Variants in PLCD3 observed in about 807,000 individuals in gnomAD.
PLCD3 encodes 1-phosphatidylinositol 4,5-bisphosphate phosphodiesterase delta-3.
A neutral mutation model predicts 82.8 loss-of-function variants in PLCD3; 62 were observed. That is an observed-to-expected ratio of 0.75 (90% CI 0.61 to 0.93). The LOEUF (loss-of-function observed/expected upper bound fraction) is 0.93. Among genes scored for constraint, PLCD3 ranks in the 40% least tolerant of loss-of-function variants. PLCD3 has a pLI of 0.00. For synonymous variants in PLCD3, 478 were observed against 471.8 expected, an observed-to-expected ratio of 1.01 and a Z score of -0.17; for missense variants, 1,023 against 1,103.4, an observed-to-expected ratio of 0.93 and a Z score of 1.03.
chr17:45,116,438 CAAG>C (rs1275160838), intron 8 of PLCD3, among the ~76,000 whole-genome samples, 191 bp downstream of exon 8: 1 of 151,856 alleles, frequency 6.6e-6, no homozygotes, highest in Non-Finnish European at 1.5e-5. Context: ...GGGGTCTAGT[CAAG>C]AATGGAGAGC....
chr17:45,117,245 G>A (rs776793774), intron 7 of PLCD3, among the ~76,000 whole-genome samples: 6 of 151,742 alleles, frequency 4.0e-5, no homozygotes, highest in Admixed American at 6.6e-5. Context: ...ACGCCTGGCC[G>A]ATTTTTTGTT....
chr17:45,121,261 A>G lies in PLCD3; in HGVS notation c.275T>C (p.Leu92Pro). 6.3e-7 allele frequency: 1 copy of G among 1,592,244 alleles called. No homozygotes were observed. Among genetic ancestry groups the G allele is most frequent in the East Asian group, 2.3e-5 (1 of 44,402 alleles). Residue 92 changes from leucine (L) to proline (P), a missense_variant, in exon 2 of 15, where the codon CTG becomes CCG. Physicochemically the swap from Leu to Pro is moderately conservative, Grantham distance 98. Transcript: ENST00000619929. ...GATGCGCCGCTGGAACCACACGCTC[A>G]GGCCGTCCTCCTGCAGCCGGTACAG... is the stretch of plus-strand genomic sequence containing the variant. ...ERLYRLQEDG[L>P]SVWFQRRIPR...
At chr17:45,123,717 G>A (rs888750628) in intron 1 of PLCD3, among the ~76,000 whole-genome samples, 2 of 152,172 alleles carry the variant, frequency 1.3e-5, no homozygotes, top group African/African-American at 4.8e-5. Context: ...CTTTGACCAT[G>A]ACTGAAAATC....
rs1460212372 is a variant in PLCD3, at chr17:45,111,715, T to G, written c.*901A>C. The stretch of plus-strand genomic sequence containing the variant: ...CATTCTACTGTCTTCTCCAGGGCTC[T>G]TCTATGAAACAGTTACAAACCTACG... On this transcript the variant is annotated 3_prime_UTR_variant, in exon 15 of 15. Coordinates refer to ENST00000619929, the MANE Select transcript of PLCD3 (RefSeq NM_133373.5). The G allele has an allele frequency of 1.3e-5, 2 of 152,270 alleles. No individual in the cohort carries two copies. Among genetic ancestry groups the G allele is most frequent in the East Asian group, 3.8e-4 (2 of 5,200 alleles). The allele number at this position is 152,270 out of a possible 1,614,324, so 9.4% of individuals were successfully genotyped here. A position where few individuals can be genotyped will look rare whatever the true frequency, so the allele number is the denominator to read the frequency against.
At chr17:45,117,910 G>A (rs1157489465) in intron 7 of PLCD3, 84 bp downstream of exon 7, 2 of 1,530,764 alleles carry the variant, frequency 1.3e-6, no homozygotes, top group African/African-American at 1.4e-5. Flanking sequence ...TCCTCTGGAA[G>A]GACGGAGGGC....
At chr17:45,129,957 G>A (rs959879961) in intron 1 of PLCD3, among the ~76,000 whole-genome samples, 1 of 152,324 alleles carries the variant, frequency 6.6e-6, no homozygotes, top group Admixed American at 6.5e-5. Flanking sequence ...TAGGCTAAGG[G>A]GTGTGGTGAT....
chr17:45,123,386 T>C (rs2143579745), intron 1 of PLCD3, among the ~76,000 whole-genome samples: 1 of 152,338 alleles, frequency 6.6e-6, no homozygotes, highest in Admixed American at 6.5e-5. Flanking sequence ...CTATATACTT[T>C]AATAAATCTG....
chr17:45,116,827 C>T (rs748260094), intron 7 of PLCD3, 43 bp from the exon 8 acceptor site: 21 of 1,510,758 alleles, frequency 1.4e-5, no homozygotes, highest in Non-Finnish European at 1.7e-5. Context: ...TCCCCTCCCT[C>T]TGCCAGTATC....
intron 1 of PLCD3, among the ~76,000 whole-genome samples, chr17:45,130,026 C>T (rs2054408081): frequency 6.6e-6 from 1 of 152,204 alleles, no homozygotes; most frequent in African/African-American, 2.4e-5. Context: ...GCCTTGGCCT[C>T]TGATGGCCCA....
At chr17:45,114,685 GCCTTCAACAACCTGTTC>G (rs1281702508) in intron 10 of PLCD3, among the ~76,000 whole-genome samples, 4 of 152,160 alleles carry the variant, frequency 2.6e-5, no homozygotes, top group Non-Finnish European at 5.9e-5. Context: ...AAGGCCCCAG[GCCTTCAACAACCTGTTC>G]CTCCTGTCTG....
chr17:45,125,255 GA>G (rs1270960281), intron 1 of PLCD3, among the ~76,000 whole-genome samples: 1 of 151,632 alleles, frequency 6.6e-6, no homozygotes, highest in Non-Finnish European at 1.5e-5. Flanking sequence ...TTGAGGCAAG[GA>G]GTTCGAGACC....
In PLCD3 at chr17:45,118,769, C is replaced by T; in HGVS notation, c.913+46G>A. ...GCAGCAGAACCCGCTTAGCTGGGAA[C>T]ACAGCCCTTTCAGGTGCCACGACCT... On this transcript the variant is annotated intron_variant, in intron 5 of 14. Transcript: ENST00000619929. This position sits in a 1 kb window ranked among gnomAD's most constrained non-coding sequence, Gnocchi z 4.1. The T allele has an allele frequency of 6.4e-7, 1 of 1,563,168 alleles. No homozygotes were observed. The highest frequency in any genetic ancestry group is 8.7e-7 in the Non-Finnish European group (1 of 1,152,594).
At chr17:45,123,225 C>T (rs1344485396) in intron 1 of PLCD3, among the ~76,000 whole-genome samples, 1 of 152,180 alleles carries the variant, frequency 6.6e-6, no homozygotes, top group African/African-American at 2.4e-5. Context: ...ATCCTTCTCC[C>T]TTCTCTTCCT....
Position 45,116,799 on chromosome 17 carries a change from G to T in PLCD3, c.1261-15C>A. On this transcript the variant is annotated splice_polypyrimidine_tract_variant and intron_variant, in intron 7 of 14. Coordinates refer to ENST00000619929, the MANE Select transcript of PLCD3 (RefSeq NM_133373.5). ...TAAGGGGACAGCTGTGGGGGGAAGG[G>T]CAGCAGCTCAGAGCCACTCCCCTCC... 6.4e-7 allele frequency: 1 copy of T among 1,574,406 alleles called. No individual in the cohort carries two copies. Among genetic ancestry groups the T allele is most frequent in the Non-Finnish European group, 8.6e-7 (1 of 1,158,050 alleles).
At chr17:45,128,632 GC>G (rs1384932225) in intron 1 of PLCD3, among the ~76,000 whole-genome samples, 3 of 152,254 alleles carry the variant, frequency 2.0e-5, no homozygotes, top group Non-Finnish European at 1.5e-5. Context: ...GCCCACTCAG[GC>G]CTCTGCCCAT....
rs11870501 is a variant in PLCD3, at chr17:45,111,899, T to G, written c.*717A>C. On this transcript the variant is annotated 3_prime_UTR_variant, in exon 15 of 15. Transcript: ENST00000619929. ...CATAAAATTTAAACATTAGCCAGGT[T>G]TGGTGGCCTGTGCCTGTAGTCCCAG... 17,228 of 151,718 alleles carry G rather than the reference T, an allele frequency of 0.11. 1,158 individuals are homozygous for G. Among genetic ancestry groups the G allele is most frequent in the East Asian group, 0.32 (1,664 of 5,142 alleles). The allele number at this position is 151,718 out of a possible 1,614,324, so 9.4% of individuals were successfully genotyped here. A position where few individuals can be genotyped will look rare whatever the true frequency, so the allele number is the denominator to read the frequency against.
rs1308076721 is a variant in PLCD3, at chr17:45,113,515, GGTTTTA to G, written c.1913_1918del (p.Leu638_Lys639del). ...CGAGTCAGGTTGCCGCAGGCAGGCA[GGTTTTA>G]GGACGTAGCCACACTGCCCATTGAC... On this transcript the variant is annotated inframe_deletion, in exon 12 of 15. Transcript: ENST00000619929. The G allele has an allele frequency of 5.7e-6, 9 of 1,582,236 alleles. No individual in the cohort carries two copies. The highest frequency in any genetic ancestry group is 7.7e-6 in the Non-Finnish European group (9 of 1,164,496).
At chr17:45,114,722 C>CT (rs774904785) in intron 10 of PLCD3, among the ~76,000 whole-genome samples, 6 of 152,194 alleles carry the variant, frequency 3.9e-5, no homozygotes, top group Non-Finnish European at 8.8e-5. Context: ...GGAAAGCGCT[C>CT]TCCCCTCTTC....
At chr17:45,126,729 C>G (rs1460842506) in intron 1 of PLCD3, among the ~76,000 whole-genome samples, 17 of 151,698 alleles carry the variant, frequency 1.1e-4, no homozygotes. Context: ...AATAATGGCT[C>G]ACTGCAGCAG....
Sources: allele counts gnomAD v4.1 joint callset (sites outside exome capture counted in the v4.1 genomes callset), GRCh38; gene constraint gnomAD v4.1.1; non-coding constraint Gnocchi (gnomAD v3.1); transcripts MANE v1.5; gene names NCBI Gene and HGNC (gene_info 2026-07-23, HGNC 2026-07-21).